KIF3A: variants seen among roughly 807,000 people sequenced by gnomAD.
KIF3A encodes the protein kinesin-like protein KIF3A.
A neutral mutation model predicts 92.6 loss-of-function variants in KIF3A; 27 were observed. That is an observed-to-expected ratio of 0.29 (90% CI 0.21 to 0.40). The LOEUF is 0.40. Ranked by LOEUF, KIF3A falls within the 10% of genes least tolerant of loss-of-function variation. KIF3A has a pLI of 1.00. For missense variants in KIF3A, 581 were observed against 872.6 expected, an observed-to-expected ratio of 0.67 and a Z score of 4.21; for synonymous variants, 250 against 275.4, an observed-to-expected ratio of 0.91 and a Z score of 0.92.
chr5:132,705,988 ATAAACAGTATTTAAC>A (rs1303065919), intron 11 of KIF3A, among the ~76,000 whole-genome samples: 1 of 152,126 alleles, frequency 6.6e-6, no homozygotes, highest in African/African-American at 2.4e-5. Flanking sequence ...AGTTAATGCC[ATAAACAGTATTTAAC>A]TAAACCAGAC....
chr5:132,703,722 T>C (rs369604402), intron 11 of KIF3A, 103 bp from the exon 12 acceptor site: 4 of 715,014 alleles, frequency 5.6e-6, no homozygotes, highest in Non-Finnish European at 6.7e-6. Flanking sequence ...TCCTCAATAA[T>C]ACAAAACCAA....
At chr5:132,715,391 G>C (rs1375115085) in intron 8 of KIF3A, among the ~76,000 whole-genome samples, 1 of 152,154 alleles carries the variant, frequency 6.6e-6, no homozygotes, top group Non-Finnish European at 1.5e-5. Context: ...TCAAACAATA[G>C]TTAGTTGATA....
At chr5:132,729,918 A>G (rs535279238) in intron 2 of KIF3A, among the ~76,000 whole-genome samples, 3 of 152,242 alleles carry the variant, frequency 2.0e-5, no homozygotes, top group African/African-American at 7.2e-5. Flanking sequence ...AGGAAACATA[A>G]AAACAGAAAG....
At chr5:132,717,941 A>T (rs1247622832) in intron 5 of KIF3A, among the ~76,000 whole-genome samples, 1 of 152,186 alleles carries the variant, frequency 6.6e-6, no homozygotes, top group Non-Finnish European at 1.5e-5. Flanking sequence ...CTATGAATGA[A>T]ATCTTGTGTT....
At chr5:132,701,740 T>C (rs545743813) in intron 15 of KIF3A, among the ~76,000 whole-genome samples, 2 of 152,056 alleles carry the variant, frequency 1.3e-5, no homozygotes, top group Admixed American at 6.6e-5. Flanking sequence ...TATTTTACCA[T>C]ATACACACAC....
chr5:132,689,026 C>G (rs909482810), downstream of KIF3A, among the ~76,000 whole-genome samples: 1 of 152,242 alleles, frequency 6.6e-6, no homozygotes, highest in South Asian at 2.1e-4. Context: ...CTTCTGATAA[C>G]GTTGATAAAA....
intron 10 of KIF3A, among the ~76,000 whole-genome samples, chr5:132,706,662 G>C (rs538543622): frequency 3.3e-5 from 5 of 152,256 alleles, no homozygotes; most frequent in African/African-American, 1.2e-4. Flanking sequence ...AACACAACGA[G>C]AGATGTCATT....
intron 8 of KIF3A, among the ~76,000 whole-genome samples, chr5:132,714,862 C>T (rs890550243): frequency 6.6e-6 from 1 of 152,188 alleles, no homozygotes; most frequent in African/African-American, 2.4e-5. Context: ...CCGTTAACAT[C>T]GCTAAGAAAT....
chr5:132,718,983 T>C (rs1292565787), intron 5 of KIF3A, among the ~76,000 whole-genome samples: 1 of 152,250 alleles, frequency 6.6e-6, no homozygotes, highest in Non-Finnish European at 1.5e-5. Context: ...TGTGTCATCA[T>C]TTACATAATC....
rs767258286 is a variant in KIF3A, at chr5:132,702,832, A to C, written c.1647+53T>G. 3.7e-5 allele frequency: 58 copies of C among 1,553,702 alleles called. No individual in the cohort carries two copies. In the Admixed American group the frequency reaches 7.7e-4, roughly 21 times the overall value. ...TATAGATATTTAGCTTTCCACTAGA[A>C]AAGTTAAATCTCTCTGGCAAAATAC... On this transcript the variant is annotated intron_variant, in intron 13 of 18. Coordinates refer to ENST00000403231, the MANE Select transcript of KIF3A (RefSeq NM_001300791.2).
chr5:132,715,246 T>C (rs1251294645), intron 8 of KIF3A, among the ~76,000 whole-genome samples: 2 of 152,234 alleles, frequency 1.3e-5, no homozygotes, highest in Admixed American at 6.5e-5. Context: ...TAGCATGATA[T>C]TGTTAGAAAA....
At chr5:132,710,842 T>C (rs988626326) in intron 9 of KIF3A, 117 bp downstream of exon 9, 10 of 1,380,448 alleles carry the variant, frequency 7.2e-6, no homozygotes, top group Non-Finnish European at 9.9e-6. Context: ...GCATACATCT[T>C]CTGTTCTAAT....
At chr5:132,711,905 G>T (rs1008564891) in intron 8 of KIF3A, among the ~76,000 whole-genome samples, 1 of 152,072 alleles carries the variant, frequency 6.6e-6, no homozygotes, top group South Asian at 2.1e-4. Context: ...AACAAAAAAG[G>T]AATGATGAAG....
At chr5:132,724,804 AAAATATATATATAT>A (rs1348724284) in intron 4 of KIF3A, among the ~76,000 whole-genome samples, 32 of 20,528 alleles carry the variant, frequency 1.6e-3, no homozygotes, top group African/African-American at 4.8e-3. Flanking sequence ...AAAAAAAAAA[AAAATATATATATAT>A]ATATATATAT....
rs1561708865 is a variant in KIF3A, at chr5:132,724,809, ATATATAT to A, written c.510+1312_510+1318del. Reference sequence around the variant, plus strand: ...AAGTATAATAAAAAAAAAAAAAAATATATATATATATATATATATATATATATATATA... The same window carrying A: ...AAGTATAATAAAAAAAAAAAAAAATAATATATATATATATATATATATATA... On this transcript the variant is annotated intron_variant, in intron 4 of 18. Coordinates refer to ENST00000403231, the MANE Select transcript of KIF3A (RefSeq NM_001300791.2). Among the ~76,000 whole-genome samples the A allele has an allele frequency of 7.0e-3, 74 of 10,508 alleles. 2 individuals carry two copies. The highest frequency in any genetic ancestry group is 0.014 in the Admixed American group (18 of 1,254). The allele number at this position is 10,508 out of a possible 152,430, so 6.9% of individuals were successfully genotyped here. A position where few individuals can be genotyped will look rare whatever the true frequency, so the allele number is the denominator to read the frequency against.
intron 5 of KIF3A, among the ~76,000 whole-genome samples, chr5:132,719,167 T>C (rs1753741366): frequency 6.6e-6 from 1 of 152,230 alleles, no homozygotes; most frequent in African/African-American, 2.4e-5. Context: ...GCCCATTTCT[T>C]CAAAGTCTCA....
In KIF3A at chr5:132,716,242, T is replaced by C; in HGVS notation, c.954+3A>G. ...GTTAACTATATCACCAATTAAGTCT[T>C]ACCATCATGGTTTTTGAATTTCCTC... On this transcript the variant is annotated splice_donor_region_variant and intron_variant, in intron 7 of 18. Transcript: ENST00000403231. 1 of 1,609,256 alleles carries C rather than the reference T, an allele frequency of 6.2e-7. No individual in the cohort carries two copies. Among genetic ancestry groups the C allele is most frequent in the Non-Finnish European group, 8.5e-7 (1 of 1,175,764 alleles).
rs917161150 is a variant in KIF3A at position 132,713,827 on chromosome 5, T to C, written c.1129+1930A>G. Among the ~76,000 whole-genome samples the C allele has an allele frequency of 2.0e-5, 3 of 151,890 alleles. No homozygotes were observed. In the South Asian group the frequency reaches 6.2e-4, roughly 32 times the overall value. ...TACATTCTACAACACGGATGACCCTTGAAGGCATTATACTAAATGAAATAA... is the reference window on the plus strand; with the variant it reads ...TACATTCTACAACACGGATGACCCTCGAAGGCATTATACTAAATGAAATAA... On this transcript the variant is annotated intron_variant, in intron 8 of 18. Transcript: ENST00000403231.
Position 132,737,522 on chromosome 5 carries a change from G to C in KIF3A, c.-103C>G. On this transcript the variant is annotated 5_prime_UTR_variant, in exon 1 of 19. Transcript: ENST00000403231. ...CCAGAGACTACCGAAACACCTCGTT[G>C]ACGCTCTCGAGACTGCGGCTTCTCG... The C allele has an allele frequency of 7.3e-7, 1 of 1,371,678 alleles. No individual in the cohort carries two copies. Among genetic ancestry groups the C allele is most frequent in the Non-Finnish European group, 1.0e-6 (1 of 998,970 alleles). The allele number at this position is 1,371,678 out of a possible 1,614,324, so 85.0% of individuals were successfully genotyped here.
Sources: allele counts gnomAD v4.1 joint callset (sites outside exome capture counted in the v4.1 genomes callset), GRCh38; gene constraint gnomAD v4.1.1; transcripts MANE v1.5; gene names NCBI Gene and HGNC (gene_info 2026-07-23, HGNC 2026-07-21).